The following DNAJC7 variants were observed in gnomAD, a reference collection of about 807,000 sequenced individuals.
DNAJC7 encodes the protein dnaJ homolog subfamily C member 7.
Under a neutral mutation model 67.4 loss-of-function variants are expected in DNAJC7, and 18 were observed. The ratio of observed to expected loss-of-function variants is 0.27; its 90% CI spans 0.18 to 0.40. The LOEUF (loss-of-function observed/expected upper bound fraction) is 0.40. Among genes scored for constraint, DNAJC7 ranks in the 10% least tolerant of loss-of-function variants. The pLI, the probability that DNAJC7 is intolerant of heterozygous loss-of-function variation, is 1.00. For synonymous variants in DNAJC7, 220 were observed against 207.8 expected, an observed-to-expected ratio of 1.06 and a Z score of -0.50; for missense variants, 419 against 613.8, an observed-to-expected ratio of 0.68 and a Z score of 3.35.
At chr17:41,987,620 G>GGGA (rs2051416486) in intron 9 of DNAJC7, 199 bp downstream of exon 9, 1 of 525,518 alleles carries the variant, frequency 1.9e-6, no homozygotes, top group Non-Finnish European at 3.4e-6. Flanking sequence ...ACACAGGCAT[G>GGGA]GGAGACTGAG....
chr17:41,997,196 G>GGCT lies in DNAJC7; in HGVS notation c.207_209dup (p.Ala70dup). Reference sequence around the variant, plus strand: ...GGAACCTTCCAAGCATCATCAAGGTGGCTGCTCGATTACCATAATAGCTAG... The same window carrying GGCT: ...GGAACCTTCCAAGCATCATCAAGGTGGCTGCTGCTCGATTACCATAATAGCTAG... On this transcript the variant is annotated inframe_insertion, in exon 3 of 14. Coordinates refer to ENST00000457167, the MANE Select transcript of DNAJC7 (RefSeq NM_003315.4). 1 of 1,613,914 alleles carries GGCT rather than the reference G, an allele frequency of 6.2e-7. No homozygotes were observed. The highest frequency in any genetic ancestry group is 8.5e-7 in the Non-Finnish European group (1 of 1,179,848).
At chr17:41,977,352 GGAA>G (rs1235667850) in intron 12 of DNAJC7, 29 bp from the exon 13 acceptor site, 10 of 1,549,438 alleles carry the variant, frequency 6.5e-6, no homozygotes, top group Non-Finnish European at 8.8e-6. Context: ...AACATGGAAG[GGAA>G]GAAAAGGTGA....
At chr17:42,016,849 GAC>G (rs2052310866) in intron 1 of DNAJC7, 6 of 669,260 alleles carry the variant, frequency 9.0e-6, no homozygotes, top group Middle Eastern at 7.1e-4. Flanking sequence ...CAATTATGGA[GAC>G]ACACAATCAC....
chr17:41,989,633 T>TTCC (rs1416038932), intron 6 of DNAJC7, 76 bp from the exon 7 acceptor site: 2 of 1,559,482 alleles, frequency 1.3e-6, no homozygotes, highest in African/African-American at 1.4e-5. Context: ...GTGGCCAGTT[T>TTCC]TCCTCCTTGA....
intron 2 of DNAJC7, 32 bp from the exon 3 acceptor site, chr17:41,997,271 G>C (rs782207059): frequency 1.2e-6 from 2 of 1,604,688 alleles, no homozygotes; most frequent in African/African-American, 2.7e-5. Context: ...GTAAAACAAA[G>C]TTTAGAACAG....
At chr17:41,992,402 G>A (rs952124550) in intron 5 of DNAJC7, among the ~76,000 whole-genome samples, 1 of 151,236 alleles carries the variant, frequency 6.6e-6, no homozygotes, top group Non-Finnish European at 1.5e-5. Flanking sequence ...TCTAACTCCC[G>A]ACCTCAGGTG....
intron 12 of DNAJC7, among the ~76,000 whole-genome samples, chr17:41,979,904 T>A (rs1276511325): frequency 9.2e-5 from 14 of 151,472 alleles, no homozygotes; most frequent in African/African-American, 3.1e-4. Flanking sequence ...GAGGTTGCAG[T>A]GAGTCGAGAT....
chr17:41,990,924 A>G (rs2051497343), intron 5 of DNAJC7, among the ~76,000 whole-genome samples: 1 of 152,088 alleles, frequency 6.6e-6, no homozygotes, highest in African/African-American at 2.4e-5. Context: ...CAGCCTCCCG[A>G]AGTGCTAGGA....
At chr17:41,987,597 T>C (rs1439452469) in intron 9 of DNAJC7, 11 of 492,516 alleles carry the variant, frequency 2.2e-5, no homozygotes, top group Non-Finnish European at 4.0e-5. Flanking sequence ...TTACTGACCG[T>C]GAGGGGCGTT....
At chr17:42,015,343 A>G (rs782754250) in intron 1 of DNAJC7, 1 of 152,056 alleles carries the variant, frequency 6.6e-6, no homozygotes, top group Non-Finnish European at 1.5e-5. Context: ...GCTATCAAAT[A>G]CCATGTTTTG....
intron 5 of DNAJC7, among the ~76,000 whole-genome samples, chr17:41,994,045 A>C (rs1405766720): frequency 2.3e-5 from 3 of 132,806 alleles, no homozygotes; most frequent in Non-Finnish European, 4.8e-5. Context: ...CTCTCTCTCA[A>C]AAAAAAAAAA....
chr17:41,995,268 C>T (rs1421952635), intron 4 of DNAJC7, among the ~76,000 whole-genome samples: 2 of 152,186 alleles, frequency 1.3e-5, no homozygotes, highest in Non-Finnish European at 2.9e-5. Flanking sequence ...GATGAAGATA[C>T]AGTCAAGACT....
At chr17:41,994,519 CAAAA>C (rs68006925) in intron 5 of DNAJC7, among the ~76,000 whole-genome samples, 1 of 37,888 alleles carries the variant, frequency 2.6e-5, no homozygotes, top group East Asian at 7.6e-4. Flanking sequence ...GACTAGGCCT[CAAAA>C]AAAAAAAAAA....
intron 1 of DNAJC7, among the ~76,000 whole-genome samples, chr17:42,008,260 C>G (rs1371486316): frequency 6.8e-6 from 1 of 146,744 alleles, no homozygotes; most frequent in Admixed American, 6.8e-5. Context: ...TGCAGTGAGC[C>G]GAGACTGTGC....
chr17:41,999,839 G>A (rs147766107), intron 2 of DNAJC7, among the ~76,000 whole-genome samples: 4,731 of 151,110 alleles, frequency 0.031, 70 homozygotes, highest in East Asian at 0.075. Flanking sequence ...ATCTTTTTGA[G>A]ATGAAGTCTT....
chr17:41,996,926 G>T (rs559556453), intron 3 of DNAJC7, among the ~76,000 whole-genome samples, 189 bp downstream of exon 3: 1 of 152,294 alleles, frequency 6.6e-6, no homozygotes, highest in South Asian at 2.1e-4. Flanking sequence ...GGCAGAGGGG[G>T]TGCTACTCAT....
intron 1 of DNAJC7, among the ~76,000 whole-genome samples, chr17:42,002,952 G>C (rs949756244): frequency 5.3e-5 from 8 of 152,152 alleles, no homozygotes; most frequent in Admixed American, 1.3e-4. Context: ...TTCTCTTTAA[G>C]ATGCAAGACC....
intron 9 of DNAJC7, chr17:41,984,173 G>A (rs1353978211): frequency 6.6e-6 from 1 of 152,252 alleles, no homozygotes; most frequent in Non-Finnish European, 1.5e-5. Context: ...AATGAGAGAT[G>A]CAGGTAAATG....
chr17:41,979,218 AATC>A (rs1443561420), intron 12 of DNAJC7, among the ~76,000 whole-genome samples: 4 of 151,642 alleles, frequency 2.6e-5, no homozygotes, highest in African/African-American at 7.3e-5. Flanking sequence ...AGGTGCCTGT[AATC>A]CCAGCTACTC....
Sources: gnomAD v4.1 joint callset for allele counts (sites outside exome capture counted in the v4.1 genomes callset) on GRCh38, gnomAD v4.1.1 for gene constraint, MANE v1.5 for transcripts, NCBI Gene and HGNC (gene_info 2026-07-23, HGNC 2026-07-21) for gene names.